Variants in ADK observed in about 807,000 individuals in gnomAD.
ADK encodes the protein adenosine kinase, also known as N6,N6-dimethyladenosine kinase.
ADK carries 24 observed loss-of-function variants against 44.7 expected under a neutral mutation model. That is an observed-to-expected ratio of 0.54 (90% CI 0.39 to 0.76). The LOEUF is 0.76. Ranked by LOEUF, ADK falls within the 30% of genes least tolerant of loss-of-function variation. The pLI, the probability that ADK is intolerant of heterozygous loss-of-function variation, is 0.00. For missense variants in ADK, 321 were observed against 425.1 expected, an observed-to-expected ratio of 0.76 and a Z score of 2.15; for synonymous variants, 128 against 142.6, an observed-to-expected ratio of 0.90 and a Z score of 0.73.
At chr10:74,563,960 G>C (rs1850553236) in intron 7 of ADK, among the ~76,000 whole-genome samples, 1 of 151,992 alleles carries the variant, frequency 6.6e-6, no homozygotes, top group African/African-American at 2.4e-5. Flanking sequence ...AGTTACCTAT[G>C]TATACATGTG....
At chr10:74,617,192 A>C (rs1294003234) in intron 9 of ADK, among the ~76,000 whole-genome samples, 1 of 152,216 alleles carries the variant, frequency 6.6e-6, no homozygotes, top group Admixed American at 6.5e-5. Flanking sequence ...TTAGCACGGT[A>C]AGACATGTAG....
intron 3 of ADK, among the ~76,000 whole-genome samples, chr10:74,282,422 C>G (rs180900661): frequency 6.6e-6 from 1 of 152,284 alleles, no homozygotes; most frequent in Admixed American, 6.5e-5. Context: ...ATTAAAATTG[C>G]ATGGTGATAC....
chr10:74,563,680 A>G (rs908670728), intron 7 of ADK, among the ~76,000 whole-genome samples: 1 of 152,216 alleles, frequency 6.6e-6, no homozygotes, highest in African/African-American at 2.4e-5. Context: ...TACATTGTAT[A>G]AATGCATGTA....
At chr10:74,302,127 T>TTTTTTTTTTTTTTTTTTTG (rs1840074925) in intron 3 of ADK, among the ~76,000 whole-genome samples, 1 of 99,688 alleles carries the variant, frequency 1.0e-5, no homozygotes, top group African/African-American at 4.3e-5. Context: ...TTTTTTTTTT[T>TTTTTTTTTTTTTTTTTTTG]TTTTTTTTTT....
chr10:74,589,101 T>A (rs914958270), intron 7 of ADK, among the ~76,000 whole-genome samples, 181 bp from the exon 8 acceptor site: 4 of 152,134 alleles, frequency 2.6e-5, no homozygotes, highest in South Asian at 2.1e-4. Flanking sequence ...GCTGCCTTTT[T>A]TTATTATTAT....
rs11458497 is a variant in ADK at position 74,676,044 on chromosome 10, TA to T, written c.964+5790del. Among the ~76,000 whole-genome samples, 436 of 143,780 alleles carry T rather than the reference TA, an allele frequency of 3.0e-3. 1 individual carries two copies. Among genetic ancestry groups the T allele is most frequent in the African/African-American group, 7.4e-3 (290 of 39,198 alleles). 94.3% of individuals were successfully genotyped at this position (143,780 alleles called of 152,430 possible). ...ACCCAAGAACCAACATTCTTAGAATTAAAAAAAAAAAAAAACACCTTCATTA... is the reference window on the plus strand; with the variant it reads ...ACCCAAGAACCAACATTCTTAGAATTAAAAAAAAAAAAAACACCTTCATTA... On this transcript the variant is annotated intron_variant, in intron 10 of 10. Coordinates refer to ENST00000539909, the MANE Select transcript of ADK (RefSeq NM_006721.4).
At position 74,195,659 on chromosome 10, in the gene ADK, T is replaced by C. The variant is rs187842283; in HGVS notation, c.66-5105T>C. ...CCACCATGCCTGGCTCAATTTTTTATATTTTTCTTTTTCTTTCTTTCTTTC... is the reference window on the plus strand; with the variant it reads ...CCACCATGCCTGGCTCAATTTTTTACATTTTTCTTTTTCTTTCTTTCTTTC... On this transcript the variant is annotated intron_variant, in intron 1 of 10. Coordinates refer to ENST00000539909, the MANE Select transcript of ADK (RefSeq NM_006721.4). 2.7e-3 allele frequency among the ~76,000 whole-genome samples: 398 copies of C among 147,226 alleles called. 2 individuals carry two copies. The highest frequency in any genetic ancestry group is 4.2e-3 in the Non-Finnish European group (284 of 67,300).
At chr10:74,608,611 C>T (rs183578843) in intron 9 of ADK, among the ~76,000 whole-genome samples, 3 of 152,192 alleles carry the variant, frequency 2.0e-5, no homozygotes, top group East Asian at 1.9e-4. Flanking sequence ...AAGCTTTGTC[C>T]CAGAGGGGCA....
intron 8 of ADK, among the ~76,000 whole-genome samples, chr10:74,593,243 ACAGTT>A (rs750131193): frequency 1.9e-4 from 29 of 152,212 alleles, no homozygotes; most frequent in Admixed American, 9.8e-4. Context: ...CAATTTTAGA[ACAGTT>A]CAGTTAAGGG....
At chr10:74,218,204 G>A (rs899411062) in intron 2 of ADK, among the ~76,000 whole-genome samples, 9 of 152,306 alleles carry the variant, frequency 5.9e-5, no homozygotes, top group East Asian at 3.9e-4. Context: ...GCCAAGGCCC[G>A]AGAACTACGT....
In ADK at chr10:74,702,524, TTTCCTTCC is replaced by T. The variant is rs59918097; in HGVS notation, c.965-5755_965-5748del. On this transcript the variant is annotated intron_variant, in intron 10 of 10. Transcript: ENST00000539909. ...TTGCTCAGTCTGTCTTCCTTCCTTC[TTTCCTTCC>T]TTCCTTCCTTCCTTCCTTCCTTCCT... Among the ~76,000 whole-genome samples, 655 of 120,884 alleles carry T rather than the reference TTTCCTTCC, an allele frequency of 5.4e-3. 8 individuals are homozygous for T. The highest frequency in any genetic ancestry group is 0.012 in the Middle Eastern group (3 of 242). 79.3% of individuals were successfully genotyped at this position (120,884 alleles called of 152,430 possible).
At chr10:74,330,542 A>G (rs1841182563) in intron 4 of ADK, among the ~76,000 whole-genome samples, 1 of 152,166 alleles carries the variant, frequency 6.6e-6, no homozygotes, top group African/African-American at 2.4e-5. Flanking sequence ...TGTTTCTAAT[A>G]AGTAGAATGT....
At chr10:74,523,965 C>T (rs2133612418) in intron 6 of ADK, among the ~76,000 whole-genome samples, 1 of 152,146 alleles carries the variant, frequency 6.6e-6, no homozygotes, top group African/African-American at 2.4e-5. Context: ...ACCCATGATC[C>T]ACCCCTACCC....
chr10:74,657,895 G>T (rs1854548745), intron 9 of ADK, among the ~76,000 whole-genome samples: 1 of 152,186 alleles, frequency 6.6e-6, no homozygotes, highest in Non-Finnish European at 1.5e-5. Flanking sequence ...CTGCTTGGAG[G>T]CCAAGGACTA....
intron 10 of ADK, among the ~76,000 whole-genome samples, chr10:74,676,112 T>G (rs1162634194): frequency 6.6e-6 from 1 of 152,038 alleles, no homozygotes; most frequent in African/African-American, 2.4e-5. Context: ...GATTTTACTT[T>G]GTTGGTTTTT....
At chr10:74,400,139 AGCTTTTGGT>A (rs957314879) in intron 6 of ADK, among the ~76,000 whole-genome samples, 2 of 152,156 alleles carry the variant, frequency 1.3e-5, no homozygotes, top group Non-Finnish European at 2.9e-5. Context: ...TAAAGTGATC[AGCTTTTGGT>A]GAAATTAATA....
In ADK at chr10:74,644,129, A is replaced by T. The variant is rs535522020; in HGVS notation, c.878-26054A>T. On this transcript the variant is annotated intron_variant, in intron 9 of 10. Transcript: ENST00000539909. ...GTTGGTCTGAATTACCTAGGCTGCC[A>T]TTAGTACCTGCAACCTACTTTAATC... Among the ~76,000 whole-genome samples, 7 of 152,326 alleles carry T rather than the reference A, an allele frequency of 4.6e-5. No homozygotes were observed. The East Asian group carries it at 1.3e-3, about 29-fold the overall frequency.
chr10:74,492,831 G>A (rs537128448), intron 6 of ADK, among the ~76,000 whole-genome samples: 8 of 152,092 alleles, frequency 5.3e-5, no homozygotes, highest in African/African-American at 1.9e-4. Context: ...TCCTATTGCT[G>A]ATGATGTTAC....
At chr10:74,238,382 C>T (rs1477717743) in intron 3 of ADK, among the ~76,000 whole-genome samples, 1 of 152,132 alleles carries the variant, frequency 6.6e-6, no homozygotes, top group Non-Finnish European at 1.5e-5. Flanking sequence ...TAGTGAATTG[C>T]TCACAATGTT....
Sources: allele counts gnomAD v4.1 joint callset (sites outside exome capture counted in the v4.1 genomes callset), GRCh38; gene constraint gnomAD v4.1.1; transcripts MANE v1.5; gene names NCBI Gene and HGNC (gene_info 2026-07-23, HGNC 2026-07-21).